The following ASRGL1 variants were observed in gnomAD, a reference collection of about 807,000 sequenced individuals.
The protein encoded by ASRGL1 is asparaginase and isoaspartyl peptidase 1.
A neutral mutation model predicts 22.4 loss-of-function variants in ASRGL1; 16 were observed. The ratio of observed to expected loss-of-function variants is 0.71; its 90% CI spans 0.48 to 1.08. The LOEUF is 1.08. Ranked by LOEUF, ASRGL1 falls within the 50% of genes least tolerant of loss-of-function variation. The pLI is 0.00. For synonymous variants in ASRGL1, 165 were observed against 159.3 expected, an observed-to-expected ratio of 1.04 and a Z score of -0.27; for missense variants, 412 against 410.1, an observed-to-expected ratio of 1.00 and a Z score of -0.04.
At chr11:62,400,353 A>G in the ASRGL1 span, among the ~76,000 whole-genome samples, 1 of 152,156 alleles carries the variant, frequency 6.6e-6, no homozygotes, top group African/African-American at 2.4e-5. Flanking sequence ...CCGTCGGTAA[A>G]TGTTAGCTAT....
intron 4 of ASRGL1, chr11:62,372,676 G>C: frequency 8.8e-7 from 1 of 1,138,392 alleles, no homozygotes. Flanking sequence ...TGGGGCTTCA[G>C]TGGCTATGGC....
At chr11:62,342,864 A>C (rs747119408) in intron 2 of ASRGL1, among the ~76,000 whole-genome samples, 2 of 152,202 alleles carry the variant, frequency 1.3e-5, no homozygotes, top group East Asian at 3.8e-4. Flanking sequence ...CGTGGATATC[A>C]GTAGTTTTTC....
chr11:62,372,096 G>C, intron 4 of ASRGL1: 1 of 775,332 alleles, frequency 1.3e-6, no homozygotes, highest in Non-Finnish European at 2.3e-6. Context: ...GCTGCACACA[G>C]CCTCCTCATC....
chr11:62,357,008 G>A lies in ASRGL1; in HGVS notation c.355G>A (p.Asp119Asn). 4.3e-6 allele frequency: 7 copies of A among 1,611,148 alleles called. No homozygotes were observed. Among genetic ancestry groups the A allele is most frequent in the Non-Finnish European group, 5.1e-6 (6 of 1,179,364 alleles). ...MEKTPHCFLT[D>N]QGAAQFAAAM... ...TCAGACACCTCATTGCTTTCTGACT[G>A]ACCAAGGCGCAGCGCAGTTTGCAGC... Residue 119 changes from aspartate (D) to asparagine (N), a missense_variant, in exon 4 of 7, where the codon GAC becomes AAC. Physicochemically the swap from Asp to Asn is conservative, Grantham distance 23 (BLOSUM62 1). Coordinates refer to ENST00000415229, the MANE Select transcript of ASRGL1 (RefSeq NM_001083926.2).
intron 4 of ASRGL1, among the ~76,000 whole-genome samples, chr11:62,375,683 A>G (rs1399014450): frequency 6.6e-6 from 1 of 151,530 alleles, no homozygotes; most frequent in Non-Finnish European, 1.5e-5. Context: ...TATTATTAAC[A>G]TATATTTCAG....
At position 62,361,043 on chromosome 11, in the gene ASRGL1, CAT is replaced by C. The variant is rs1248395342; in HGVS notation, c.491+3903_491+3904del. On this transcript the variant is annotated intron_variant, in intron 4 of 6. Coordinates refer to ENST00000415229, the MANE Select transcript of ASRGL1 (RefSeq NM_001083926.2). Reference sequence around the variant, plus strand: ...TTTCAAAATTTGGTAAAATGCCAAACATATAATTAAGACAAAAATAATGAAAG... The same window carrying C: ...TTTCAAAATTTGGTAAAATGCCAAACATAATTAAGACAAAAATAATGAAAG... Among the ~76,000 whole-genome samples the C allele has an allele frequency of 5.3e-5, 8 of 152,146 alleles. No individual in the cohort carries two copies. In the East Asian group the frequency reaches 1.5e-3, roughly 29 times the overall value.
At chr11:62,338,932 CAAAAA>C (rs576869521) in intron 2 of ASRGL1, among the ~76,000 whole-genome samples, 3 of 101,578 alleles carry the variant, frequency 3.0e-5, no homozygotes, top group Non-Finnish European at 5.6e-5. Context: ...GAGACTATCT[CAAAAA>C]AAAAAAAAAA....
chr11:62,371,457 T>C, intron 4 of ASRGL1: 1 of 590,674 alleles, frequency 1.7e-6, no homozygotes, highest in South Asian at 2.0e-5. Flanking sequence ...CAAGGTTTAA[T>C]GGATTTAGGG....
chr11:62,347,990 A>G lies in ASRGL1; in HGVS notation c.191-8335A>G, dbSNP rs372366137. ...AAAAAGCAAAACTTGCCTCACACGAAGTACTACATTGAATCCACACTAATA... is the reference window on the plus strand; with the variant it reads ...AAAAAGCAAAACTTGCCTCACACGAGGTACTACATTGAATCCACACTAATA... On this transcript the variant is annotated intron_variant, in intron 2 of 6. Coordinates refer to ENST00000415229, the MANE Select transcript of ASRGL1 (RefSeq NM_001083926.2). Among the ~76,000 whole-genome samples, 42 of 152,346 alleles carry G rather than the reference A, an allele frequency of 2.8e-4. No homozygotes were observed. In the South Asian group the frequency reaches 8.7e-3, roughly 32 times the overall value.
At chr11:62,355,209 C>T (rs1467014877) in intron 2 of ASRGL1, among the ~76,000 whole-genome samples, 1 of 151,666 alleles carries the variant, frequency 6.6e-6, no homozygotes, top group African/African-American at 2.4e-5. Context: ...CCACCACACA[C>T]AGCCTCCAAG....
intron 2 of ASRGL1, among the ~76,000 whole-genome samples, chr11:62,352,518 A>T (rs1361891215): frequency 6.6e-6 from 1 of 151,936 alleles, no homozygotes; most frequent in Non-Finnish European, 1.5e-5. Context: ...CAGGAGGCAG[A>T]TGTTGCAGTG....
chr11:62,340,508 T>C (rs1355115506), intron 2 of ASRGL1, among the ~76,000 whole-genome samples: 1 of 152,204 alleles, frequency 6.6e-6, no homozygotes. Context: ...CATTCTGGTT[T>C]CCGACCATCT....
At chr11:62,337,658 C>T (rs987557630) in intron 1 of ASRGL1, 84 bp downstream of exon 1, 1 of 297,518 alleles carries the variant, frequency 3.4e-6, no homozygotes, top group East Asian at 5.9e-5. Context: ...TTCCCGAAGG[C>T]GAAATAGACA....
At chr11:62,397,084 C>T (rs1419926766), downstream of ASRGL1, among the ~76,000 whole-genome samples, 1 of 152,154 alleles carries the variant, frequency 6.6e-6, no homozygotes, top group Non-Finnish European at 1.5e-5. Flanking sequence ...GGCTGGAGTG[C>T]AGTGGCGCGA....
At chr11:62,362,558 TTA>T (rs1272868412) in intron 4 of ASRGL1, among the ~76,000 whole-genome samples, 1 of 11,600 alleles carries the variant, frequency 8.6e-5, no homozygotes, top group Non-Finnish European at 1.8e-4. Flanking sequence ...ATAACATATA[TTA>T]TTTATATAAT....
In ASRGL1 at chr11:62,392,120, A is replaced by G. The variant is rs1716234232; in HGVS notation, c.763A>G (p.Met255Val). Residue 255 changes from methionine (M) to valine (V), a missense_variant, in exon 7 of 7, where the codon ATG becomes GTG. By Grantham distance (21) the Met-to-Val change is conservative. Coordinates refer to ENST00000415229, the MANE Select transcript of ASRGL1 (RefSeq NM_001083926.2). ...EEAADLSLGY[M>V]KSRVKGLGGL... The stretch of plus-strand genomic sequence containing the variant: ...GGCTGCGGACCTATCGTTGGGTTAT[A>G]TGAAGTCAAGGGTTAAAGGTTTAGG... The G allele has an allele frequency of 1.2e-6, 2 of 1,614,094 alleles. No individual in the cohort carries two copies. The highest frequency in any genetic ancestry group is 1.7e-6 in the Non-Finnish European group (2 of 1,180,052).
chr11:62,399,738 G>T, the ASRGL1 span, among the ~76,000 whole-genome samples: 1 of 152,300 alleles, frequency 6.6e-6, no homozygotes, highest in Admixed American at 6.5e-5. Flanking sequence ...CCAGGATGGG[G>T]TACAGTTGGC....
chr11:62,368,714 T>C (rs1565165874), intron 4 of ASRGL1, among the ~76,000 whole-genome samples: 1 of 151,866 alleles, frequency 6.6e-6, no homozygotes, highest in South Asian at 2.1e-4. Context: ...GGCAGGACAA[T>C]AGGGTAATAG....
At chr11:62,362,615 T>TAATATATAA (rs1491162745) in intron 4 of ASRGL1, among the ~76,000 whole-genome samples, 5 of 28,814 alleles carry the variant, frequency 1.7e-4, no homozygotes, top group East Asian at 1.4e-3. Context: ...AAAATATATA[T>TAATATATAA]TATATATTAT....
Sources: gnomAD v4.1 joint callset for allele counts (sites outside exome capture counted in the v4.1 genomes callset) on GRCh38, gnomAD v4.1.1 for gene constraint, MANE v1.5 for transcripts, NCBI Gene and HGNC (gene_info 2026-07-23, HGNC 2026-07-21) for gene names.